The following XKR9 variants were observed in gnomAD, a reference collection of about 807,000 sequenced individuals.
XKR9 encodes the protein XK-related protein 9.
Under a neutral mutation model 32.0 loss-of-function variants are expected in XKR9, and 32 were observed. The observed-to-expected ratio is 1.00, with a 90% CI of 0.76 to 1.34. The LOEUF (loss-of-function observed/expected upper bound fraction) is 1.34. Among genes scored for constraint, XKR9 ranks in the 40% most tolerant of loss-of-function variants. The pLI is 0.00. For missense variants in XKR9, 546 were observed against 429.7 expected (o/e 1.27, Z -2.39); for synonymous variants, 168 against 143.4 (o/e 1.17, Z -1.22).
At chr8:70,795,560 C>T in the XKR9 span, among the ~76,000 whole-genome samples, 9 of 152,224 alleles carry the variant, frequency 5.9e-5, no homozygotes, top group East Asian at 9.6e-4. Flanking sequence ...ATCACCACAA[C>T]GTCTTCCATA....
the XKR9 span, among the ~76,000 whole-genome samples, chr8:70,806,505 G>T: frequency 3.4e-4 from 52 of 152,144 alleles, no homozygotes; most frequent in Non-Finnish European, 4.7e-4. Flanking sequence ...CAATGCAAAG[G>T]AGCTAAGAAC....
chr8:70,723,363 A>G (rs1158316381), intron 4 of XKR9, among the ~76,000 whole-genome samples: 1 of 152,090 alleles, frequency 6.6e-6, no homozygotes, highest in African/African-American at 2.4e-5. Flanking sequence ...AGGAGCCACG[A>G]TCCTTTGTAA....
chr8:70,893,944 T>C, the XKR9 span, among the ~76,000 whole-genome samples: 3 of 151,976 alleles, frequency 2.0e-5, no homozygotes, highest in South Asian at 6.2e-4. Context: ...GGGTTGAATA[T>C]AGATTGCCCG....
chr8:70,826,496 C>T, the XKR9 span, among the ~76,000 whole-genome samples: 1 of 152,038 alleles, frequency 6.6e-6, no homozygotes, highest in African/African-American at 2.4e-5. Flanking sequence ...TTAAATGTTT[C>T]TTTTATTTAA....
At chr8:70,958,752 A>T in the XKR9 span, among the ~76,000 whole-genome samples, 2 of 152,092 alleles carry the variant, frequency 1.3e-5, no homozygotes, top group Non-Finnish European at 2.9e-5. Context: ...TGGTGTCTTC[A>T]TCATGGAATC....
At position 70,734,452 on chromosome 8, in the gene XKR9, T is replaced by C; in HGVS notation, c.*28T>C. On this transcript the variant is annotated 3_prime_UTR_variant, in exon 5 of 5. Coordinates refer to ENST00000408926, the MANE Select transcript of XKR9 (RefSeq NM_001011720.2). ...TATTCATTTATGATATATATTTTCT[T>C]ATATTTTGTTTCATTGGTTAGTAAA... is the stretch of plus-strand genomic sequence containing the variant. The C allele has an allele frequency of 6.8e-7, 1 of 1,469,172 alleles. No homozygotes were observed. The highest frequency in any genetic ancestry group is 1.5e-5 in the South Asian group (1 of 66,392). 91.0% of individuals were successfully genotyped at this position (1,469,172 alleles called of 1,614,324 possible).
chr8:70,989,338 A>G, the XKR9 span, among the ~76,000 whole-genome samples: 1 of 152,240 alleles, frequency 6.6e-6, no homozygotes, highest in African/African-American at 2.4e-5. Flanking sequence ...AATAAAATTT[A>G]TATTATTTGC....
At chr8:70,711,162 T>C (rs1805907316) in intron 4 of XKR9, among the ~76,000 whole-genome samples, 1 of 152,216 alleles carries the variant, frequency 6.6e-6, no homozygotes, top group Admixed American at 6.5e-5. Flanking sequence ...GGGACTGTTA[T>C]ACAAACTGTT....
At chr8:70,858,392 A>G in the XKR9 span, among the ~76,000 whole-genome samples, 2 of 152,212 alleles carry the variant, frequency 1.3e-5, no homozygotes, top group African/African-American at 2.4e-5. Context: ...TAAAATACCT[A>G]GGAATCCAAC....
chr8:70,747,516 C>T (rs906966825), intron 2 of XKR9, among the ~76,000 whole-genome samples: 2 of 152,112 alleles, frequency 1.3e-5, no homozygotes, highest in African/African-American at 4.8e-5. Flanking sequence ...TATGGGATGC[C>T]CTGTGTGGCC....
chr8:71,057,676 T>C, the XKR9 span, among the ~76,000 whole-genome samples: 1 of 152,184 alleles, frequency 6.6e-6, no homozygotes, highest in Non-Finnish European at 1.5e-5. Context: ...CTATCCACTC[T>C]GAGAATTGTT....
the XKR9 span, among the ~76,000 whole-genome samples, chr8:70,924,404 T>C: frequency 6.6e-6 from 1 of 152,202 alleles, no homozygotes; most frequent in Non-Finnish European, 1.5e-5. Flanking sequence ...GGTTTTAATC[T>C]TTTCTGGCTT....
At chr8:70,767,496 C>CTTTTTTTTTTTTTTTTT (rs34400671) in intron 2 of XKR9, among the ~76,000 whole-genome samples, 2 of 99,350 alleles carry the variant, frequency 2.0e-5, no homozygotes, top group Non-Finnish European at 1.9e-5. Flanking sequence ...TCTTTTCCTT[C>CTTTTTTTTTTTTTTTTT]TTTTTTTTTT....
chr8:70,846,726 T>C, the XKR9 span, among the ~76,000 whole-genome samples: 1 of 151,918 alleles, frequency 6.6e-6, no homozygotes, highest in Non-Finnish European at 1.5e-5. Context: ...GTAGCAGAAA[T>C]GGCTATACTT....
the XKR9 span, among the ~76,000 whole-genome samples, chr8:70,958,070 G>A: frequency 1.3e-5 from 2 of 152,168 alleles, no homozygotes; most frequent in Admixed American, 6.5e-5. Flanking sequence ...TTATGGGCAT[G>A]AGCCATGGCG....
chr8:70,730,713 G>T (rs34656593), intron 4 of XKR9, among the ~76,000 whole-genome samples: 19,726 of 152,108 alleles, frequency 0.13, 1,673 homozygotes, highest in African/African-American at 0.24. Flanking sequence ...TAATAAACCA[G>T]AGAGAAATTA....
chr8:70,888,866 A>G, the XKR9 span, among the ~76,000 whole-genome samples: 1 of 151,972 alleles, frequency 6.6e-6, no homozygotes, highest in Non-Finnish European at 1.5e-5. Flanking sequence ...GATTTGTAGC[A>G]TATTTTGAGA....
chr8:70,861,747 T>A, the XKR9 span, among the ~76,000 whole-genome samples: 34 of 152,304 alleles, frequency 2.2e-4, no homozygotes, highest in African/African-American at 8.2e-4. Flanking sequence ...TGGCACTTCG[T>A]AAGCACTGTA....
chr8:71,057,924 C>T, the XKR9 span, among the ~76,000 whole-genome samples: 8 of 152,098 alleles, frequency 5.3e-5, no homozygotes, highest in Non-Finnish European at 1.0e-4. Context: ...GTGGCTTATG[C>T]CCGTAATCCC....
Sources: gnomAD v4.1 joint callset for allele counts (sites outside exome capture counted in the v4.1 genomes callset) on GRCh38, gnomAD v4.1.1 for gene constraint, MANE v1.5 for transcripts, NCBI Gene and HGNC (gene_info 2026-07-23, HGNC 2026-07-21) for gene names.